The following SORCS1 variants were observed in gnomAD, a reference collection of about 807,000 sequenced individuals.
The protein encoded by SORCS1 is sortilin related VPS10 domain containing receptor 1, also known as VPS10 domain-containing receptor SorCS1.
Under a neutral mutation model 146.1 loss-of-function variants are expected in SORCS1, and 60 were observed. The observed-to-expected ratio is 0.41, with a 90% CI of 0.33 to 0.51. SORCS1 has a LOEUF of 0.51. Among genes scored for constraint, SORCS1 ranks in the 20% least tolerant of loss-of-function variants. The pLI is 0.21. For synonymous variants in SORCS1, 637 were observed against 584.0 expected (o/e 1.09, Z -1.31); for missense variants, 1,352 against 1,487.6 (o/e 0.91, Z 1.50).
chr10:106,782,921 T>C (rs190859493), intron 3 of SORCS1, among the ~76,000 whole-genome samples: 546 of 152,312 alleles, frequency 3.6e-3, no homozygotes, highest in Non-Finnish European at 4.5e-3. Flanking sequence ...CTAGTCAATG[T>C]CTTCATGAAT....
intron 1 of SORCS1, among the ~76,000 whole-genome samples, chr10:107,010,446 G>T (rs1016074963): frequency 5.1e-5 from 6 of 117,648 alleles, no homozygotes; most frequent in Admixed American, 1.7e-4. Flanking sequence ...TTTTGTTTCC[G>T]TAGTTTCTCT....
At chr10:107,087,453 A>C (rs181674394) in intron 1 of SORCS1, among the ~76,000 whole-genome samples, 25 of 152,332 alleles carry the variant, frequency 1.6e-4, no homozygotes, top group African/African-American at 6.0e-4. Context: ...ATCTACGTTG[A>C]TTGGTTCTAT....
At chr10:106,829,992 T>A (rs4390282) in intron 2 of SORCS1, among the ~76,000 whole-genome samples, 1 of 152,056 alleles carries the variant, frequency 6.6e-6, no homozygotes, top group Non-Finnish European at 1.5e-5. Flanking sequence ...TAAAGAGTTT[T>A]TAGTCAGATA....
At position 107,143,652 on chromosome 10, in the gene SORCS1, C is replaced by T. The variant is rs11193214; in HGVS notation, c.558+20317G>A. ...CTGAGTAGCTGGGATTACAGGCACG[C>T]GCCACCACACCAGGCTATTTTTTCT... On this transcript the variant is annotated intron_variant, in intron 1 of 25. Coordinates refer to ENST00000263054, the MANE Select transcript of SORCS1 (RefSeq NM_052918.5). Among the ~76,000 whole-genome samples, 92 of 152,078 alleles carry T rather than the reference C, an allele frequency of 6.0e-4. No individual in the cohort carries two copies. The East Asian group carries it at 7.8e-3, about 13-fold the overall frequency.
At chr10:107,019,477 C>T (rs1386856102) in intron 1 of SORCS1, among the ~76,000 whole-genome samples, 3 of 152,054 alleles carry the variant, frequency 2.0e-5, no homozygotes, top group Non-Finnish European at 4.4e-5. Flanking sequence ...TTTAAAAGCT[C>T]GTCTAAATTA....
intron 4 of SORCS1, among the ~76,000 whole-genome samples, chr10:106,764,872 A>C (rs1330850119): frequency 6.6e-6 from 1 of 151,844 alleles, no homozygotes; most frequent in African/African-American, 2.4e-5. Context: ...AAATACAAAA[A>C]ATTAGCTGGG....
chr10:106,729,347 G>A (rs1439056656), intron 6 of SORCS1, among the ~76,000 whole-genome samples: 2 of 152,094 alleles, frequency 1.3e-5, no homozygotes, highest in African/African-American at 2.4e-5. Context: ...ATAACCACCC[G>A]GAGTTGATAA....
rs1163676725 is a variant in SORCS1 at position 106,879,477 on chromosome 10, C to T, written c.627-49804G>A. ...TAAGTAGGCAGAATTTTCCCTCCTC[C>T]TCTCCTAAAGATGTTCTTCCCTAAT... On this transcript the variant is annotated intron_variant, in intron 2 of 25. Coordinates refer to ENST00000263054, the MANE Select transcript of SORCS1 (RefSeq NM_052918.5). Among the ~76,000 whole-genome samples, 22 of 152,136 alleles carry T rather than the reference C, an allele frequency of 1.4e-4. No homozygotes were observed. In the East Asian group the frequency reaches 3.8e-3, roughly 27 times the overall value.
chr10:106,909,397 A>AGC (rs1952045794), intron 2 of SORCS1, among the ~76,000 whole-genome samples: 1 of 152,020 alleles, frequency 6.6e-6, no homozygotes, highest in African/African-American at 2.4e-5. Context: ...AGAGAGAGAG[A>AGC]GAGAGAGAAT....
At chr10:106,637,942 T>C (rs1848823872) in intron 18 of SORCS1, among the ~76,000 whole-genome samples, 1 of 152,334 alleles carries the variant, frequency 6.6e-6, no homozygotes, top group East Asian at 1.9e-4. Flanking sequence ...CTGTACTTGG[T>C]GTCTGGTTTA....
chr10:106,951,217 A>AT (rs1457667346), intron 2 of SORCS1, among the ~76,000 whole-genome samples: 2 of 152,136 alleles, frequency 1.3e-5, no homozygotes, highest in African/African-American at 4.8e-5. Context: ...TCCCCCTCTA[A>AT]AAAGGAACAT....
At chr10:106,976,155 T>C (rs1429334357) in intron 1 of SORCS1, among the ~76,000 whole-genome samples, 1 of 144,248 alleles carries the variant, frequency 6.9e-6, no homozygotes, top group Non-Finnish European at 1.5e-5. Context: ...AAAAAAGCCA[T>C]CTCCTCCATG....
chr10:106,624,111 G>T (rs190493597), intron 19 of SORCS1, among the ~76,000 whole-genome samples: 1 of 152,024 alleles, frequency 6.6e-6, no homozygotes, highest in Non-Finnish European at 1.5e-5. Flanking sequence ...AGCAGAAGTC[G>T]GTGACAGAGT....
At chr10:106,983,411 T>C (rs1956323256) in intron 1 of SORCS1, among the ~76,000 whole-genome samples, 1 of 152,076 alleles carries the variant, frequency 6.6e-6, no homozygotes, top group Non-Finnish European at 1.5e-5. Context: ...TTTTCTTATA[T>C]ACTTTACCTC....
intron 23 of SORCS1, among the ~76,000 whole-genome samples, chr10:106,602,363 C>A (rs1056338443): frequency 1.3e-5 from 2 of 152,122 alleles, no homozygotes; most frequent in African/African-American, 4.8e-5. Context: ...CTATTAAAGT[C>A]TCTTCAAGTA....
At chr10:106,927,665 G>C (rs911712626) in intron 2 of SORCS1, among the ~76,000 whole-genome samples, 2 of 152,168 alleles carry the variant, frequency 1.3e-5, no homozygotes, top group Admixed American at 6.5e-5. Flanking sequence ...CCCTGAGCTA[G>C]ACACAAAGGT....
chr10:106,812,161 C>T (rs1417427228), intron 3 of SORCS1, among the ~76,000 whole-genome samples: 1 of 152,136 alleles, frequency 6.6e-6, no homozygotes, highest in African/African-American at 2.4e-5. Context: ...CCACTGCATC[C>T]TGCTAATTTT....
At chr10:106,855,201 C>G (rs1439731674) in intron 2 of SORCS1, among the ~76,000 whole-genome samples, 5 of 152,164 alleles carry the variant, frequency 3.3e-5, no homozygotes, top group African/African-American at 7.2e-5. Flanking sequence ...TCATCCCACT[C>G]TCTTCTTGCC....
At chr10:106,952,522 G>A (rs1206680040) in intron 2 of SORCS1, among the ~76,000 whole-genome samples, 1 of 128,968 alleles carries the variant, frequency 7.8e-6, no homozygotes, top group Non-Finnish European at 1.7e-5. Context: ...GTCCTACCGA[G>A]GTTTCATATA....
Sources: allele counts gnomAD v4.1 joint callset (sites outside exome capture counted in the v4.1 genomes callset), GRCh38; gene constraint gnomAD v4.1.1; transcripts MANE v1.5; gene names NCBI Gene and HGNC (gene_info 2026-07-23, HGNC 2026-07-21).